The following LRRC69 variants were observed in gnomAD, a reference collection of about 807,000 sequenced individuals.
The protein encoded by LRRC69 is leucine-rich repeat-containing protein 69.
LRRC69 carries 42 observed loss-of-function variants against 37.8 expected under a neutral mutation model. The observed-to-expected ratio is 1.11, with a 90% confidence interval of 0.87 to 1.44. The LOEUF is 1.44. LRRC69 is among the 40% of genes most tolerant of loss of function. The pLI is 0.00. For synonymous variants in LRRC69, 141 were observed against 143.1 expected, an observed-to-expected ratio of 0.99 and a Z score of 0.11; for missense variants, 357 against 401.9, an observed-to-expected ratio of 0.89 and a Z score of 0.96.
intron 5 of LRRC69, among the ~76,000 whole-genome samples, chr8:91,178,290 A>G (rs1809269830): frequency 6.6e-6 from 1 of 152,200 alleles, no homozygotes; most frequent in African/African-American, 2.4e-5. Flanking sequence ...TTCTGTTTGC[A>G]ACAGCTGAAA....
chr8:91,148,522 G>C (rs979490744), intron 5 of LRRC69, among the ~76,000 whole-genome samples: 3 of 151,918 alleles, frequency 2.0e-5, no homozygotes, highest in Non-Finnish European at 4.4e-5. Flanking sequence ...TTGCTATCGT[G>C]AATAGTGCCG....
intron 1 of LRRC69, among the ~76,000 whole-genome samples, chr8:91,106,787 G>C (rs1400670662): frequency 6.6e-6 from 1 of 151,608 alleles, no homozygotes; most frequent in African/African-American, 2.4e-5. Flanking sequence ...CCTCCCATTT[G>C]TTTGCATATT....
At chr8:91,108,349 C>T (rs1813355478) in intron 1 of LRRC69, among the ~76,000 whole-genome samples, 1 of 152,026 alleles carries the variant, frequency 6.6e-6, no homozygotes, top group South Asian at 2.1e-4. Context: ...TAGGCACTCT[C>T]CTAGGTGGCA....
At chr8:91,172,167 T>C (rs936730043) in intron 5 of LRRC69, among the ~76,000 whole-genome samples, 36 of 152,022 alleles carry the variant, frequency 2.4e-4, no homozygotes, top group African/African-American at 8.7e-4. Context: ...CCCTATTTTT[T>C]GACAGGTAGG....
chr8:91,127,752 G>A (rs1188192560), intron 3 of LRRC69, among the ~76,000 whole-genome samples: 1 of 151,868 alleles, frequency 6.6e-6, no homozygotes, highest in Non-Finnish European at 1.5e-5. Context: ...GATGGAGAGA[G>A]AACTCTGTTC....
chr8:91,116,395 C>T (rs530114872), intron 1 of LRRC69, among the ~76,000 whole-genome samples: 2 of 152,130 alleles, frequency 1.3e-5, no homozygotes, highest in African/African-American at 4.8e-5. Context: ...GCATAGCAAA[C>T]AGCCTGTGCT....
At chr8:91,108,305 A>G (rs547578922) in intron 1 of LRRC69, among the ~76,000 whole-genome samples, 1 of 152,084 alleles carries the variant, frequency 6.6e-6, no homozygotes, top group Non-Finnish European at 1.5e-5. Flanking sequence ...TCATTCATAC[A>G]TTAAACAACT....
intron 7 of LRRC69, among the ~76,000 whole-genome samples, chr8:91,201,721 G>A (rs561755599): frequency 2.6e-5 from 4 of 151,848 alleles, no homozygotes; most frequent in Admixed American, 2.6e-4. Context: ...AATATTGGGG[G>A]ATAATTTTAA....
intron 5 of LRRC69, among the ~76,000 whole-genome samples, chr8:91,185,573 A>G (rs1419806129): frequency 2.6e-5 from 2 of 78,330 alleles, no homozygotes; most frequent in African/African-American, 1.2e-4. Flanking sequence ...TTCCCAGCAC[A>G]GATATTTTTT....
In LRRC69 at chr8:91,169,919, A is replaced by G. The variant is rs537992650; in HGVS notation, c.652-19603A>G. On this transcript the variant is annotated intron_variant, in intron 5 of 7. Coordinates refer to ENST00000448384, the Ensembl canonical transcript of LRRC69. ...GTGCCACATTTTCTTAATCCAGTCT[A>G]TCATTGTTGGACATTTGGGTTGGTT... 2.4e-4 allele frequency among the ~76,000 whole-genome samples: 28 copies of G among 114,702 alleles called. 1 individual carries two copies. The East Asian group carries it at 4.2e-3, about 17-fold the overall frequency. The allele number at this position is 114,702 out of a possible 152,430, so 75.2% of individuals were successfully genotyped here.
At chr8:91,161,609 T>C (rs977716669) in intron 5 of LRRC69, among the ~76,000 whole-genome samples, 3 of 151,356 alleles carry the variant, frequency 2.0e-5, no homozygotes, top group Non-Finnish European at 3.0e-5. Context: ...TCTCTAATGA[T>C]CCTTTGCGTT....
At chr8:91,166,941 C>T (rs1441935012) in intron 5 of LRRC69, among the ~76,000 whole-genome samples, 3 of 151,766 alleles carry the variant, frequency 2.0e-5, no homozygotes, top group African/African-American at 4.8e-5. Context: ...TGTTCTTTTC[C>T]CCACCTACAC....
At chr8:91,105,008 A>G (rs929129890) in intron 1 of LRRC69, among the ~76,000 whole-genome samples, 2 of 151,988 alleles carry the variant, frequency 1.3e-5, no homozygotes, top group Non-Finnish European at 2.9e-5. Context: ...GGGGTAACCT[A>G]CGTGTTGACT....
chr8:91,216,652 A>G (rs781116563), intron 7 of LRRC69, among the ~76,000 whole-genome samples: 4 of 152,110 alleles, frequency 2.6e-5, no homozygotes, highest in Non-Finnish European at 5.9e-5. Context: ...AAAGGAAAAG[A>G]CCATATTTAG....
At chr8:91,165,105 T>G (rs1001212165) in intron 5 of LRRC69, among the ~76,000 whole-genome samples, 68 of 151,694 alleles carry the variant, frequency 4.5e-4, no homozygotes, top group African/African-American at 1.6e-3. Context: ...GAGGAACAAT[T>G]GGCAACATCT....
At position 91,158,552 on chromosome 8, in the gene LRRC69, C is replaced by T. The variant is rs141028514; in HGVS notation, c.651+22813C>T. ...TAGACTTACACACTGTACATTTTCA[C>T]GGCCATAGCTTCTAATACAAGCACA... On this transcript the variant is annotated intron_variant, in intron 5 of 7. Transcript: ENST00000448384. 4,601 of 1,182,872 alleles carry T rather than the reference C, an allele frequency of 3.9e-3. 19 individuals carry two copies. The highest frequency in any genetic ancestry group is 0.01 in the Middle Eastern group (53 of 5,234). 73.3% of individuals were successfully genotyped at this position (1,182,872 alleles called of 1,614,324 possible).
In LRRC69 at chr8:91,189,414, T is replaced by C. The variant is rs1032267266; in HGVS notation, c.652-108T>C. The C allele has an allele frequency of 1.5e-5, 11 of 755,586 alleles. No homozygotes were observed. In the African/African-American group the frequency reaches 1.6e-4, roughly 11 times the overall value. The allele number at this position is 755,586 out of a possible 1,614,324, so 46.8% of individuals were successfully genotyped here. On this transcript the variant is annotated intron_variant, in intron 5 of 7. Transcript: ENST00000448384. ...AATCCACATTAGTATTTACTGTGGA[T>C]TTTTAGTCCTAAATAAAGTAATTTC...
intron 6 of LRRC69, among the ~76,000 whole-genome samples, chr8:91,199,102 G>T (rs1012540645): frequency 1.3e-5 from 2 of 152,088 alleles, no homozygotes; most frequent in Non-Finnish European, 2.9e-5. Flanking sequence ...TGCTATTTTG[G>T]GTAGTGAATC....
intron 6 of LRRC69, among the ~76,000 whole-genome samples, chr8:91,194,468 A>G (rs972288970): frequency 1.3e-5 from 2 of 152,010 alleles, no homozygotes; most frequent in African/African-American, 4.8e-5. Flanking sequence ...CTGTGAATCC[A>G]TCTGGTCCTG....
Sources: allele counts gnomAD v4.1 joint callset (sites outside exome capture counted in the v4.1 genomes callset), GRCh38; gene constraint gnomAD v4.1.1; transcripts MANE v1.5; gene names NCBI Gene and HGNC (gene_info 2026-07-23, HGNC 2026-07-21).